The following NAALADL2 variants were observed in gnomAD, a reference collection of about 807,000 sequenced individuals.
NAALADL2 encodes the protein inactive N-acetylated-alpha-linked acidic dipeptidase-like protein 2.
A neutral mutation model predicts 87.2 loss-of-function variants in NAALADL2; 76 were observed. The ratio of observed to expected loss-of-function variants is 0.87; its 90% CI spans 0.72 to 1.05. The LOEUF (loss-of-function observed/expected upper bound fraction) is 1.05. Ranked by LOEUF, NAALADL2 falls within the 50% of genes least tolerant of loss-of-function variation. The probability of loss-of-function intolerance (pLI) is 0.00; values close to 1 mark genes in which losing one functional copy is unlikely to be tolerated. For synonymous variants in NAALADL2, 354 were observed against 331.0 expected, an observed-to-expected ratio of 1.07 and a Z score of -0.75; for missense variants, 1,089 against 945.8, an observed-to-expected ratio of 1.15 and a Z score of -1.99.
At chr3:174,600,567 C>T (rs1032400062) in intron 2 of NAALADL2, among the ~76,000 whole-genome samples, 7 of 151,936 alleles carry the variant, frequency 4.6e-5, no homozygotes, top group African/African-American at 1.7e-4. Flanking sequence ...TGTGAGTACA[C>T]GGTAAGTGCA....
intron 1 of NAALADL2, among the ~76,000 whole-genome samples, chr3:174,921,358 A>AT (rs1217685640): frequency 6.6e-6 from 1 of 152,114 alleles, no homozygotes; most frequent in Non-Finnish European, 1.5e-5. Context: ...TTTTTTTGTT[A>AT]TTTTTTATTT....
intron 13 of NAALADL2, among the ~76,000 whole-genome samples, chr3:175,768,122 T>C (rs1748987018): frequency 1.3e-5 from 2 of 152,142 alleles, no homozygotes; most frequent in Non-Finnish European, 2.9e-5. Context: ...CGGGTTTTAC[T>C]GGGATTGTTC....
At chr3:175,368,162 T>C (rs1765904979) in intron 5 of NAALADL2, among the ~76,000 whole-genome samples, 1 of 152,198 alleles carries the variant, frequency 6.6e-6, no homozygotes, top group Non-Finnish European at 1.5e-5. Context: ...TTACATTTAT[T>C]GATTTGCGTA....
chr3:175,471,868 A>T (rs1280563875), intron 9 of NAALADL2, 110 bp downstream of exon 9: 1 of 929,140 alleles, frequency 1.1e-6, no homozygotes, highest in Non-Finnish European at 1.6e-6. Context: ...CAAATGTTGT[A>T]TAAGTGTTTT....
chr3:174,940,142 GTGCATTTGTCATAGA>G (rs1738356599), intron 1 of NAALADL2, among the ~76,000 whole-genome samples: 1 of 152,144 alleles, frequency 6.6e-6, no homozygotes, highest in Admixed American at 6.6e-5. Context: ...AATATTGGCT[GTGCATTTGTCATAGA>G]TGGCTCCTAT....
intron 1 of NAALADL2, among the ~76,000 whole-genome samples, chr3:175,011,272 C>CAGAGAGAGAGGG (rs1408169414): frequency 3.6e-5 from 4 of 110,374 alleles, no homozygotes; most frequent in East Asian, 2.5e-4. Context: ...GGGAGAGAGA[C>CAGAGAGAGAGGG]AGAGAGACAG....
intron 1 of NAALADL2, among the ~76,000 whole-genome samples, chr3:174,536,357 C>T (rs1314861008): frequency 3.3e-5 from 5 of 151,968 alleles, no homozygotes; most frequent in East Asian, 1.9e-4. Context: ...TACTGAGATA[C>T]GATATTGAAA....
At chr3:175,551,532 A>C (rs1300693837) in intron 9 of NAALADL2, among the ~76,000 whole-genome samples, 1 of 152,182 alleles carries the variant, frequency 6.6e-6, no homozygotes, top group East Asian at 1.9e-4. Context: ...GGTCCCATTC[A>C]TAGTATTTGA....
intron 11 of NAALADL2, chr3:175,718,196 T>TTTTTG: frequency 3.0e-6 from 1 of 338,494 alleles, no homozygotes; most frequent in Non-Finnish European, 4.2e-6. Context: ...GGGCCTGTGG[T>TTTTTG]TTTTTTTTTT....
chr3:175,287,758 T>A (rs1274783633), intron 4 of NAALADL2, among the ~76,000 whole-genome samples: 2 of 152,216 alleles, frequency 1.3e-5, no homozygotes, highest in African/African-American at 4.8e-5. Flanking sequence ...AGAAATGGAA[T>A]GGATACATTT....
chr3:174,784,816 T>A (rs1235289024), intron 3 of NAALADL2, among the ~76,000 whole-genome samples: 1 of 152,234 alleles, frequency 6.6e-6, no homozygotes, highest in Non-Finnish European at 1.5e-5. Flanking sequence ...TTGTTTGTCA[T>A]GAACCTTATT....
chr3:175,002,755 A>T (rs1748415875), intron 1 of NAALADL2, among the ~76,000 whole-genome samples: 1 of 152,214 alleles, frequency 6.6e-6, no homozygotes, highest in Non-Finnish European at 1.5e-5. Flanking sequence ...CATGTCTACA[A>T]TGCTAAAGAA....
chr3:174,572,466 T>G (rs1167031519), intron 2 of NAALADL2, among the ~76,000 whole-genome samples: 4 of 152,194 alleles, frequency 2.6e-5, no homozygotes, highest in Non-Finnish European at 5.9e-5. Flanking sequence ...AAGCATTTAT[T>G]TCACTGTTAG....
chr3:175,231,791 T>C (rs1744976130), intron 2 of NAALADL2, among the ~76,000 whole-genome samples: 1 of 152,170 alleles, frequency 6.6e-6, no homozygotes, highest in Non-Finnish European at 1.5e-5. Context: ...AAATATATAT[T>C]TTGAAACCTC....
chr3:174,794,945 G>T, intron 3 of NAALADL2, among the ~76,000 whole-genome samples: 1 of 143,392 alleles, frequency 7.0e-6, no homozygotes, highest in Admixed American at 7.0e-5. Flanking sequence ...ACACTAAAGG[G>T]TGTGTTTAAT....
intron 11 of NAALADL2, among the ~76,000 whole-genome samples, chr3:175,685,193 C>T (rs1398168110): frequency 1.4e-4 from 21 of 152,094 alleles, no homozygotes; most frequent in Admixed American, 1.4e-3. Context: ...TAGTACCCTC[C>T]TTAAGTTCAT....
intron 3 of NAALADL2, among the ~76,000 whole-genome samples, chr3:174,786,450 A>AG (rs1491127077): frequency 2.9e-4 from 3 of 10,502 alleles, no homozygotes; most frequent in African/African-American, 5.8e-4. Flanking sequence ...ACTCTGTCTC[A>AG]AAAAAAAAAA....
rs960749575 is a variant in NAALADL2 at position 175,468,825 on chromosome 3, A to G, written c.1533+1641A>G. ...AGCATCAGAGCCTGTGAGTTGAATC[A>G]ATGTGGGCTTGCATGTGTGTGAGCG... is the stretch of plus-strand genomic sequence containing the variant. On this transcript the variant is annotated intron_variant, in intron 8 of 13. Coordinates refer to ENST00000454872, the MANE Select transcript of NAALADL2 (RefSeq NM_207015.3). Among the ~76,000 whole-genome samples, 8 of 152,056 alleles carry G rather than the reference A, an allele frequency of 5.3e-5. No individual in the cohort carries two copies. The South Asian group carries it at 1.7e-3, about 31-fold the overall frequency.
chr3:174,454,704 T>A (rs1477639744), intron 1 of NAALADL2, among the ~76,000 whole-genome samples: 1 of 152,050 alleles, frequency 6.6e-6, no homozygotes, highest in African/African-American at 2.4e-5. Context: ...CAAAGATACA[T>A]ACCAAAATCT....
Sources: allele counts gnomAD v4.1 joint callset (sites outside exome capture counted in the v4.1 genomes callset), GRCh38; gene constraint gnomAD v4.1.1; transcripts MANE v1.5; gene names NCBI Gene and HGNC (gene_info 2026-07-23, HGNC 2026-07-21).